DLG2: variants seen among roughly 807,000 people sequenced by gnomAD.
DLG2 encodes the protein discs large MAGUK scaffold protein 2.
A neutral mutation model predicts 132.5 loss-of-function variants in DLG2; 45 were observed. The ratio of observed to expected loss-of-function variants is 0.34; its 90% CI spans 0.27 to 0.44. The LOEUF is 0.44. Ranked by LOEUF, DLG2 falls within the 20% of genes least tolerant of loss-of-function variation. DLG2 has a pLI of 1.00. For synonymous variants in DLG2, 424 were observed against 419.6 expected, an observed-to-expected ratio of 1.01 and a Z score of -0.13; for missense variants, 1,045 against 1,196.9, an observed-to-expected ratio of 0.87 and a Z score of 1.87.
At chr11:84,591,514 A>G (rs2099543280) in intron 6 of DLG2, among the ~76,000 whole-genome samples, 1 of 151,838 alleles carries the variant, frequency 6.6e-6, no homozygotes, top group Admixed American at 6.6e-5. Flanking sequence ...TAAAAATACA[A>G]AAATTTGCTG....
At chr11:84,564,589 CATA>C (rs1304340125) in intron 6 of DLG2, among the ~76,000 whole-genome samples, 1 of 152,132 alleles carries the variant, frequency 6.6e-6, no homozygotes, top group African/African-American at 2.4e-5. Context: ...TTATTCTGCA[CATA>C]ATGTCGTCTA....
At chr11:84,942,718 T>C (rs1222132937) in intron 6 of DLG2, among the ~76,000 whole-genome samples, 1 of 152,230 alleles carries the variant, frequency 6.6e-6, no homozygotes, top group African/African-American at 2.4e-5. Context: ...GGAACTGTTC[T>C]GTAAACGTGT....
intron 19 of DLG2, 42 bp downstream of exon 19, chr11:83,633,169 A>G (rs531084626): frequency 1.3e-6 from 2 of 1,581,034 alleles, no homozygotes; most frequent in East Asian, 2.2e-5. Context: ...CTCAAGTTGA[A>G]TTGCTCACAA....
intron 16 of DLG2, among the ~76,000 whole-genome samples, chr11:83,850,155 TGTG>T (rs1216086936): frequency 0.01 from 1,355 of 132,032 alleles, 22 homozygotes; most frequent in African/African-American, 0.045. Context: ...TGTGTGTGTG[TGTG>T]TGTTTTTTTA....
chr11:85,417,014 G>A (rs551205205), intron 3 of DLG2, among the ~76,000 whole-genome samples: 73 of 152,016 alleles, frequency 4.8e-4, no homozygotes, highest in Admixed American at 1.1e-3. Context: ...CATCCTTGTC[G>A]TATGCCAGTT....
chr11:84,633,394 C>T (rs2099635420), intron 6 of DLG2, among the ~76,000 whole-genome samples: 1 of 152,016 alleles, frequency 6.6e-6, no homozygotes, highest in African/African-American at 2.4e-5. Context: ...TGATATGCCT[C>T]CTCTTCTCAC....
At chr11:85,479,162 C>A (rs1436203289) in intron 3 of DLG2, among the ~76,000 whole-genome samples, 1 of 152,144 alleles carries the variant, frequency 6.6e-6, no homozygotes, top group Non-Finnish European at 1.5e-5. Flanking sequence ...TGTCTTAGTC[C>A]ATTTGGGCTA....
chr11:85,607,718 G>A (rs2080681108), intron 2 of DLG2, among the ~76,000 whole-genome samples: 1 of 152,160 alleles, frequency 6.6e-6, no homozygotes, highest in South Asian at 2.1e-4. Flanking sequence ...AGACAAGCAG[G>A]CCTAATAAAG....
chr11:83,589,203 T>C (rs2097144869), intron 19 of DLG2, among the ~76,000 whole-genome samples: 1 of 151,052 alleles, frequency 6.6e-6, no homozygotes, highest in Non-Finnish European at 1.5e-5. Flanking sequence ...TTCACCAAAG[T>C]TGAAAAAAAG....
rs114491905 is a variant in DLG2, at chr11:85,540,769, G to A, written c.40+57888C>T. Among the ~76,000 whole-genome samples, 1,313 of 152,346 alleles carry A rather than the reference G, an allele frequency of 8.6e-3. 13 individuals are homozygous for A. The highest frequency in any genetic ancestry group is 0.03 in the African/African-American group (1,239 of 41,572). ...GAGCTATAAACACTCAACCTTAGAC[G>A]CTGCTGTGGGGTCAGAGCCCAAAAA... On this transcript the variant is annotated intron_variant, in intron 3 of 27. Coordinates refer to ENST00000376104, the MANE Select transcript of DLG2 (RefSeq NM_001142699.3).
intron 7 of DLG2, among the ~76,000 whole-genome samples, chr11:84,382,638 C>A (rs971596720): frequency 6.6e-6 from 1 of 152,068 alleles, no homozygotes; most frequent in Non-Finnish European, 1.5e-5. Context: ...AACCATTTGT[C>A]CTTAAATACC....
chr11:83,694,518 T>G (rs1381979193), intron 18 of DLG2, among the ~76,000 whole-genome samples: 7 of 152,210 alleles, frequency 4.6e-5, no homozygotes, highest in Non-Finnish European at 5.9e-5. Context: ...ATCTTCTTGC[T>G]GAAAATAGCT....
chr11:85,626,481 C>T (rs1316120279), intron 2 of DLG2, 106 bp downstream of exon 2: 1 of 152,120 alleles, frequency 6.6e-6, no homozygotes, highest in Non-Finnish European at 1.5e-5. Flanking sequence ...AACTATATTA[C>T]AATAAATATT....
intron 4 of DLG2, among the ~76,000 whole-genome samples, chr11:85,203,412 C>A (rs1232252939): frequency 6.6e-6 from 1 of 151,908 alleles, no homozygotes; most frequent in Non-Finnish European, 1.5e-5. Flanking sequence ...TCATTAGAGA[C>A]AACTATATGC....
At chr11:83,566,739 G>A (rs962581119) in intron 19 of DLG2, among the ~76,000 whole-genome samples, 3 of 150,488 alleles carry the variant, frequency 2.0e-5, no homozygotes, top group Non-Finnish European at 4.4e-5. Flanking sequence ...GTGTGTGTGT[G>A]TGTGTGTGTG....
intron 6 of DLG2, among the ~76,000 whole-genome samples, chr11:84,712,142 T>A (rs2060521747): frequency 6.6e-6 from 1 of 152,094 alleles, no homozygotes; most frequent in Non-Finnish European, 1.5e-5. Context: ...TCCCTGGATA[T>A]CCATAAGTGA....
In DLG2 at chr11:84,114,213, A is replaced by G. The variant is rs762775532; in HGVS notation, c.625-15166T>C. Among the ~76,000 whole-genome samples the G allele has an allele frequency of 3.3e-5, 5 of 152,288 alleles. No homozygotes were observed. The South Asian group carries it at 1.0e-3, about 32-fold the overall frequency. On this transcript the variant is annotated intron_variant, in intron 9 of 27. Transcript: ENST00000376104. ...GGTAAATACTGTAGACAGAATACAC[A>G]TAAACTATAGGAGCTCTTCATGAAT...
chr11:84,535,028 T>C (rs560632268), intron 6 of DLG2, among the ~76,000 whole-genome samples: 1 of 152,340 alleles, frequency 6.6e-6, no homozygotes, highest in African/African-American at 2.4e-5. Context: ...ACATTTACTT[T>C]ATTCAAGTAA....
At chr11:85,093,296 CA>C (rs2069128553) in intron 6 of DLG2, among the ~76,000 whole-genome samples, 1 of 110,540 alleles carries the variant, frequency 9.0e-6, no homozygotes. Flanking sequence ...AATCATTTGG[CA>C]AGGGAGTTTT....
Sources: gnomAD v4.1 joint callset for allele counts (sites outside exome capture counted in the v4.1 genomes callset) on GRCh38, gnomAD v4.1.1 for gene constraint, MANE v1.5 for transcripts, NCBI Gene and HGNC (gene_info 2026-07-23, HGNC 2026-07-21) for gene names.